Variants in LINGO2 observed in about 807,000 individuals in gnomAD.
LINGO2 encodes leucine rich repeat and Ig domain containing 2.
In LINGO2, 14 loss-of-function variants were observed where a neutral mutation model predicts 30.6. That is an observed-to-expected ratio of 0.46 (90% CI 0.30 to 0.72). The LOEUF is 0.72. Ranked by LOEUF, LINGO2 falls within the 30% of genes least tolerant of loss-of-function variation. The pLI, the probability that LINGO2 is intolerant of heterozygous loss-of-function variation, is 0.07. For missense variants in LINGO2, 729 were observed against 751.7 expected (o/e 0.97, Z 0.35); for synonymous variants, 317 against 288.5 (o/e 1.10, Z -1.00).
chr9:28,898,903 A>G, the LINGO2 span, among the ~76,000 whole-genome samples: 2 of 152,014 alleles, frequency 1.3e-5, no homozygotes, highest in African/African-American at 4.8e-5. Context: ...AAATGTGCAC[A>G]TGTATCCCTG....
rs368853511 is a variant in LINGO2, at chr9:28,656,734, C to G, written c.-365+13466G>C. Among the ~76,000 whole-genome samples the G allele has an allele frequency of 1.1e-4, 16 of 152,144 alleles. 1 individual carries two copies. The highest frequency in any genetic ancestry group is 3.6e-4 in the African/African-American group (15 of 41,538). ...TGTCTACGCAGTTTTAAAATACATA[C>G]AAGAATATTTGATGCTTCTCCCTTC... On this transcript the variant is annotated intron_variant, in intron 1 of 5. Transcript: ENST00000379992.
chr9:28,489,911 A>AC (rs1826326812), intron 1 of LINGO2, among the ~76,000 whole-genome samples: 1 of 151,280 alleles, frequency 6.6e-6, no homozygotes, highest in South Asian at 2.1e-4. Flanking sequence ...AAAAAAAAAA[A>AC]AAAAAAAAAG....
At chr9:29,120,864 T>C in the LINGO2 span, among the ~76,000 whole-genome samples, 9 of 152,316 alleles carry the variant, frequency 5.9e-5, no homozygotes, top group South Asian at 1.9e-3. Context: ...AGAGTTGTTA[T>C]AAGAACTATA....
chr9:28,723,472 C>A, the LINGO2 span, among the ~76,000 whole-genome samples: 2 of 152,174 alleles, frequency 1.3e-5, no homozygotes, highest in South Asian at 4.1e-4. Flanking sequence ...CAGGAAAATT[C>A]TATATTCCTT....
At chr9:28,564,423 C>A (rs1823260055) in intron 1 of LINGO2, among the ~76,000 whole-genome samples, 1 of 152,052 alleles carries the variant, frequency 6.6e-6, no homozygotes, top group Non-Finnish European at 1.5e-5. Flanking sequence ...AGTCACTTCA[C>A]CAGACTTACA....
At chr9:28,691,857 T>C in the LINGO2 span, among the ~76,000 whole-genome samples, 3 of 152,274 alleles carry the variant, frequency 2.0e-5, no homozygotes, top group East Asian at 5.8e-4. Context: ...AGCTAAAAAC[T>C]ACATAAATAT....
chr9:28,947,943 G>C, the LINGO2 span, among the ~76,000 whole-genome samples: 13 of 151,916 alleles, frequency 8.6e-5, no homozygotes, highest in African/African-American at 3.1e-4. Context: ...AAACTCTTGG[G>C]AACATGGAAA....
chr9:28,020,119 A>C (rs575090802), intron 4 of LINGO2, among the ~76,000 whole-genome samples: 3 of 152,284 alleles, frequency 2.0e-5, no homozygotes, highest in African/African-American at 7.2e-5. Context: ...AGTCTGAATG[A>C]GCCATCTCTG....
At chr9:28,757,268 A>T in the LINGO2 span, among the ~76,000 whole-genome samples, 1 of 152,032 alleles carries the variant, frequency 6.6e-6, no homozygotes, top group Non-Finnish European at 1.5e-5. Context: ...TACAGCCTTG[A>T]TCCGTCTCAG....
chr9:28,059,539 AG>A lies in LINGO2; in HGVS notation c.-86-47135del, dbSNP rs1825077117. Among the ~76,000 whole-genome samples the A allele has an allele frequency of 1.3e-5, 2 of 152,146 alleles. 1 individual carries two copies. The highest frequency in any genetic ancestry group is 4.1e-4 in the South Asian group (2 of 4,832). On this transcript the variant is annotated intron_variant, in intron 4 of 5. Transcript: ENST00000379992. ...TACACTCAGGGAATGCTATGTAACC[AG>A]TGCTATTCTTCACAAGTGTGAGGAG...
At chr9:28,590,693 C>G (rs1289034232) in intron 1 of LINGO2, among the ~76,000 whole-genome samples, 1 of 152,080 alleles carries the variant, frequency 6.6e-6, no homozygotes. Context: ...AATAGGAACA[C>G]TTTTACACTG....
intron 4 of LINGO2, among the ~76,000 whole-genome samples, chr9:28,255,896 GTAACTT>G (rs923699692): frequency 2.6e-5 from 4 of 151,994 alleles, no homozygotes; most frequent in African/African-American, 9.7e-5. Flanking sequence ...CCTGTGCTTT[GTAACTT>G]ATTATGTATG....
chr9:27,998,652 G>C (rs1407227080), intron 5 of LINGO2, among the ~76,000 whole-genome samples: 1 of 152,124 alleles, frequency 6.6e-6, no homozygotes, highest in East Asian at 1.9e-4. Flanking sequence ...GTGGTGGCAG[G>C]CACCTATAAT....
At chr9:28,507,767 A>C (rs565355512) in intron 1 of LINGO2, among the ~76,000 whole-genome samples, 149 of 152,266 alleles carry the variant, frequency 9.8e-4, no homozygotes, top group African/African-American at 3.3e-3. Flanking sequence ...TTCATGTACT[A>C]CATAATATGA....
At chr9:28,928,889 G>A in the LINGO2 span, among the ~76,000 whole-genome samples, 3 of 152,074 alleles carry the variant, frequency 2.0e-5, no homozygotes, top group South Asian at 2.1e-4. Context: ...CCTGCCCAGG[G>A]GTTTCAGGAG....
chr9:28,993,671 A>T, the LINGO2 span, among the ~76,000 whole-genome samples: 3 of 150,452 alleles, frequency 2.0e-5, 1 homozygote, highest in Non-Finnish European at 4.5e-5. Flanking sequence ...ATCCACCATG[A>T]TCAAGTGGGC....
chr9:28,632,522 GATATATA>G (rs1454835097), intron 1 of LINGO2, among the ~76,000 whole-genome samples: 8 of 148,220 alleles, frequency 5.4e-5, no homozygotes, highest in Admixed American at 4.8e-4. Flanking sequence ...TCTCTCTCTC[GATATATA>G]ATATATAACA....
chr9:28,893,419 T>C, the LINGO2 span, among the ~76,000 whole-genome samples: 3 of 152,122 alleles, frequency 2.0e-5, no homozygotes, highest in Admixed American at 2.0e-4. Context: ...TATTTATTTT[T>C]AGGTTCAGAC....
chr9:28,869,672 G>A, the LINGO2 span, among the ~76,000 whole-genome samples: 5 of 151,958 alleles, frequency 3.3e-5, no homozygotes, highest in Non-Finnish European at 7.4e-5. Flanking sequence ...GCTAGTCCCT[G>A]TCTTCAAGGA....
Sources: allele counts gnomAD v4.1 joint callset (sites outside exome capture counted in the v4.1 genomes callset), GRCh38; gene constraint gnomAD v4.1.1; transcripts MANE v1.5; gene names NCBI Gene and HGNC (gene_info 2026-07-23, HGNC 2026-07-21).